PRDM10: variants seen among roughly 807,000 people sequenced by gnomAD.
The protein encoded by PRDM10 is PR domain zinc finger protein 10.
A neutral mutation model predicts 133.1 loss-of-function variants in PRDM10; 65 were observed. The ratio of observed to expected loss-of-function variants is 0.49; its 90% CI spans 0.40 to 0.60. The LOEUF (loss-of-function observed/expected upper bound fraction) is 0.60. PRDM10 is among the 20% of genes least tolerant of loss of function. PRDM10 has a pLI of 0.00. For synonymous variants in PRDM10, 582 were observed against 580.4 expected, an observed-to-expected ratio of 1.00 and a Z score of -0.04; for missense variants, 1,137 against 1,507.1, an observed-to-expected ratio of 0.75 and a Z score of 4.07.
chr11:129,933,166 G>C (rs796707893), intron 9 of PRDM10, among the ~76,000 whole-genome samples: 35 of 152,322 alleles, frequency 2.3e-4, no homozygotes, highest in African/African-American at 7.0e-4. Context: ...ATGTCAATCA[G>C]ATCAAATTTT....
At chr11:129,919,394 T>C (rs1451538916) in intron 13 of PRDM10, among the ~76,000 whole-genome samples, 3 of 152,192 alleles carry the variant, frequency 2.0e-5, no homozygotes. Flanking sequence ...TATACTCAAT[T>C]CCCACACCTT....
chr11:129,904,895 G>A (rs1229924713), intron 20 of PRDM10, among the ~76,000 whole-genome samples: 4 of 152,208 alleles, frequency 2.6e-5, no homozygotes, highest in African/African-American at 4.8e-5. Flanking sequence ...ACAGAAGAAG[G>A]AGATACAATC....
At chr11:129,943,672 C>T (rs950721113) in intron 6 of PRDM10, among the ~76,000 whole-genome samples, 8 of 152,072 alleles carry the variant, frequency 5.3e-5, no homozygotes, top group African/African-American at 1.9e-4. Flanking sequence ...TCAACCTGGG[C>T]AACATGGCAA....
In PRDM10 at chr11:129,929,219, T is replaced by G. The variant is rs1219429011; in HGVS notation, c.1530+1797A>C. 2.0e-5 allele frequency among the ~76,000 whole-genome samples: 3 copies of G among 152,222 alleles called. No individual in the cohort carries two copies. The East Asian group carries it at 5.8e-4, about 29-fold the overall frequency. On this transcript the variant is annotated intron_variant, in intron 11 of 20. Coordinates refer to ENST00000360871, the MANE Select transcript of PRDM10 (RefSeq NM_199437.2). ...TTAGTCCTACCCTTCATTTTGTATA[T>G]GAGGAACCTGCAGCCCACAATTTAT...
Position 129,945,738 on chromosome 11 carries a change from G to A in PRDM10, c.521-726C>T, listed in dbSNP as rs74978123. ...AACGAGACAGGTACAGCCCCAAAAC[G>A]GAGGAGAGCAAATGGACCACACAGG... is the stretch of plus-strand genomic sequence containing the variant. On this transcript the variant is annotated intron_variant, in intron 5 of 20. Transcript: ENST00000360871. This position sits in a 1 kb window ranked among gnomAD's most constrained non-coding sequence, Gnocchi z 4.2. Among the ~76,000 whole-genome samples, 587 of 152,214 alleles carry A rather than the reference G, an allele frequency of 3.9e-3. 4 individuals are homozygous for A. The highest frequency in any genetic ancestry group is 0.013 in the African/African-American group (553 of 41,534).
At chr11:129,931,298 A>G in intron 10 of PRDM10, 40 bp from the exon 11 acceptor site, 1 of 1,578,406 alleles carries the variant, frequency 6.3e-7, no homozygotes, top group African/African-American at 1.4e-5. Context: ...TCAGTGCCGG[A>G]GGGACTGTCA....
Position 129,915,551 on chromosome 11 carries a change from G to A in PRDM10, c.2526+109C>T, listed in dbSNP as rs528063283. The A allele has an allele frequency of 1.1e-5, 13 of 1,202,306 alleles. No homozygotes were observed. The Middle Eastern group carries it at 8.9e-4, about 82-fold the overall frequency. The allele number at this position is 1,202,306 out of a possible 1,614,324, so 74.5% of individuals were successfully genotyped here. On this transcript the variant is annotated intron_variant, in intron 16 of 20. Transcript: ENST00000360871. ...AGGACAACATCTCTTTCAGTCCCCC[G>A]TCAACTCAGAAGGAGCCATCCAGGC...
chr11:129,962,692 T>A (rs1043477915), intron 1 of PRDM10, among the ~76,000 whole-genome samples: 1 of 152,238 alleles, frequency 6.6e-6, no homozygotes, highest in Non-Finnish European at 1.5e-5. Context: ...GTGAATTTTA[T>A]TACATTTAAA....
At chr11:130,000,959 T>G (rs1939330287) in intron 1 of PRDM10, among the ~76,000 whole-genome samples, 1 of 152,064 alleles carries the variant, frequency 6.6e-6, no homozygotes, top group Non-Finnish European at 1.5e-5. Flanking sequence ...GTAGAAAAAT[T>G]AGCCAGGCGT....
chr11:129,903,014 G>T (rs570146033), intron 20 of PRDM10, among the ~76,000 whole-genome samples: 3 of 152,124 alleles, frequency 2.0e-5, no homozygotes, highest in East Asian at 3.9e-4. Context: ...ATAAATGGAG[G>T]CCAGGCATGG....
chr11:129,975,820 G>A (rs956547129), intron 1 of PRDM10, among the ~76,000 whole-genome samples: 3 of 152,206 alleles, frequency 2.0e-5, no homozygotes, highest in Non-Finnish European at 4.4e-5. Context: ...GCTGCACCAA[G>A]TGCCTTCCAA....
chr11:129,968,480 A>C (rs7952647), intron 1 of PRDM10, among the ~76,000 whole-genome samples: 35,014 of 151,892 alleles, frequency 0.23, 8,068 homozygotes, highest in African/African-American at 0.57. Flanking sequence ...TGTGGATGGG[A>C]CCAGGGAACA....
intron 1 of PRDM10, among the ~76,000 whole-genome samples, chr11:129,996,449 TA>T (rs1471338198): frequency 6.6e-6 from 1 of 152,198 alleles, no homozygotes; most frequent in Non-Finnish European, 1.5e-5. Context: ...AGGAAAGTTA[TA>T]TTAATTGAAA....
rs573810576 is a variant in PRDM10, at chr11:129,995,805, G to T, written c.-119+6917C>A. ...TACTAAAAATACAAAAATTAGCCGGGTGTGATGGCGGGCTCCTGTAATCCC... is the reference window on the plus strand; with the variant it reads ...TACTAAAAATACAAAAATTAGCCGGTTGTGATGGCGGGCTCCTGTAATCCC... On this transcript the variant is annotated intron_variant, in intron 1 of 20. Coordinates refer to ENST00000360871, the MANE Select transcript of PRDM10 (RefSeq NM_199437.2). 3.3e-5 allele frequency among the ~76,000 whole-genome samples: 5 copies of T among 152,182 alleles called. No individual in the cohort carries two copies. The East Asian group carries it at 9.7e-4, about 29-fold the overall frequency.
chr11:129,917,218 C>G lies in PRDM10; in HGVS notation c.2234G>C (p.Arg745Thr). ...CTCTTCTATCTTCATGTCTGGGTGT[C>G]TCTTCGATAAGTGATTTACCTAAAG... ...RGMLVNHLSK[R>T]HPDMKIEEVP... Residue 745 changes from arginine to threonine, a missense_variant, in exon 15 of 21, where the codon AGA becomes ACA. Around this residue, in one of 6 missense-constraint regions of PRDM10, gnomAD observed 65 missense variants for 151.1 expected, o/e 0.43. Coordinates refer to ENST00000360871, the MANE Select transcript of PRDM10 (RefSeq NM_199437.2). 6.2e-7 allele frequency: 1 copy of G among 1,612,626 alleles called. No individual in the cohort carries two copies. Among genetic ancestry groups the G allele is most frequent in the South Asian group, 1.1e-5 (1 of 90,998 alleles).
At chr11:129,934,415 A>G (rs1950964257) in intron 9 of PRDM10, among the ~76,000 whole-genome samples, 1 of 152,192 alleles carries the variant, frequency 6.6e-6, no homozygotes, top group African/African-American at 2.4e-5. Context: ...CCCTGGCATG[A>G]GCCTACTCCA....
At chr11:129,977,916 G>A (rs1050915244) in intron 1 of PRDM10, among the ~76,000 whole-genome samples, 2 of 151,790 alleles carry the variant, frequency 1.3e-5, no homozygotes, top group East Asian at 1.9e-4. Context: ...CGGTGAGATC[G>A]CACCACTGCA....
chr11:129,958,755 T>C (rs528087057), intron 2 of PRDM10, among the ~76,000 whole-genome samples: 2 of 152,350 alleles, frequency 1.3e-5, no homozygotes, highest in Admixed American at 6.5e-5. Context: ...ATGAATGGAA[T>C]AGAACTCTTC....
chr11:129,978,637 G>GT, intron 1 of PRDM10, among the ~76,000 whole-genome samples: 1 of 152,200 alleles, frequency 6.6e-6, no homozygotes, highest in Non-Finnish European at 1.5e-5. Flanking sequence ...CCCTCTCCAT[G>GT]AAGTGTCCCT....
Sources: allele counts gnomAD v4.1 joint callset (sites outside exome capture counted in the v4.1 genomes callset), GRCh38; gene constraint gnomAD v4.1.1; regional missense constraint gnomAD v4.1.1; non-coding constraint Gnocchi (gnomAD v3.1); transcripts MANE v1.5; gene names NCBI Gene and HGNC (gene_info 2026-07-23, HGNC 2026-07-21).